BTRC: variants seen among roughly 807,000 people sequenced by gnomAD.
The protein encoded by BTRC is beta-transducin repeat containing E3 ubiquitin protein ligase, also known as F-box/WD repeat-containing protein 1A.
In BTRC, 42 loss-of-function variants were observed where a neutral mutation model predicts 85.5. That is an observed-to-expected ratio of 0.49 (90% CI 0.38 to 0.64). The LOEUF (loss-of-function observed/expected upper bound fraction) is 0.64. BTRC is among the 30% of genes least tolerant of loss of function. The pLI is 0.00. For missense variants in BTRC, 594 were observed against 743.5 expected (o/e 0.80, Z 2.34); for synonymous variants, 255 against 263.3 (o/e 0.97, Z 0.30).
In BTRC at chr10:101,411,178, G is replaced by A. The variant is rs565030369; in HGVS notation, c.49-19167G>A. On this transcript the variant is annotated intron_variant, in intron 1 of 14. Transcript: ENST00000370187. ...GCCTGGCTATTTTGTTTTTTCAGTA[G>A]AGATGGGATTTCACCATGTTGGCCA... Among the ~76,000 whole-genome samples, 7 of 151,958 alleles carry A rather than the reference G, an allele frequency of 4.6e-5. No homozygotes were observed. The South Asian group carries it at 1.5e-3, about 32-fold the overall frequency.
intron 1 of BTRC, among the ~76,000 whole-genome samples, chr10:101,370,342 G>A (rs1942596641): frequency 6.6e-6 from 1 of 151,952 alleles, no homozygotes; most frequent in South Asian, 2.1e-4. Context: ...TCAAACTCCT[G>A]GACTCAAGTG....
At chr10:101,362,000 C>T (rs995522639) in intron 1 of BTRC, among the ~76,000 whole-genome samples, 8 of 152,068 alleles carry the variant, frequency 5.3e-5, no homozygotes, top group East Asian at 1.9e-4. Context: ...CTCACTCTGT[C>T]GCCAGACTGG....
chr10:101,357,013 C>T (rs1461519230), intron 1 of BTRC, among the ~76,000 whole-genome samples: 1 of 151,880 alleles, frequency 6.6e-6, no homozygotes, highest in Non-Finnish European at 1.5e-5. Context: ...CCTGTAGTCC[C>T]AGCTACTCGG....
chr10:101,389,186 A>T (rs1169315999), intron 1 of BTRC, among the ~76,000 whole-genome samples: 2 of 115,206 alleles, frequency 1.7e-5, no homozygotes, highest in African/African-American at 6.9e-5. Context: ...GCCACCATTT[A>T]TCCAGTTACT....
chr10:101,381,505 T>C (rs896228049), intron 1 of BTRC, among the ~76,000 whole-genome samples: 2 of 152,202 alleles, frequency 1.3e-5, no homozygotes, highest in African/African-American at 4.8e-5. Context: ...GACATCACAG[T>C]GTACCATAAA....
intron 8 of BTRC, 113 bp from the exon 9 acceptor site, chr10:101,532,839 C>T: frequency 1.2e-6 from 1 of 848,820 alleles, no homozygotes; most frequent in Admixed American, 2.1e-5. Context: ...AAATGCATTC[C>T]ACACTACTCT....
chr10:101,445,014 A>G (rs150106849), intron 2 of BTRC, among the ~76,000 whole-genome samples: 140 of 152,348 alleles, frequency 9.2e-4, no homozygotes, highest in Non-Finnish European at 1.6e-3. Context: ...CAGGAGGGTA[A>G]CTAAATTGTG....
intron 1 of BTRC, chr10:101,354,585 G>T: frequency 3.2e-6 from 1 of 317,178 alleles, no homozygotes; most frequent in East Asian, 7.5e-5. Context: ...CCGCTGGCGG[G>T]GCCTTCCTGG....
At chr10:101,376,581 A>G (rs1239666459) in intron 1 of BTRC, among the ~76,000 whole-genome samples, 1 of 152,162 alleles carries the variant, frequency 6.6e-6, no homozygotes, top group Non-Finnish European at 1.5e-5. Context: ...TTAAAATCAC[A>G]TCACAATAAA....
intron 11 of BTRC, 75 bp downstream of exon 11, chr10:101,535,547 A>G (rs1384151055): frequency 2.0e-6 from 2 of 1,004,998 alleles, no homozygotes; most frequent in African/African-American, 1.7e-5. Flanking sequence ...AGATCATACA[A>G]GTCTTCAATT....
chr10:101,463,888 ACTT>A (rs1200087731), intron 3 of BTRC, among the ~76,000 whole-genome samples: 2 of 151,780 alleles, frequency 1.3e-5, no homozygotes, highest in Non-Finnish European at 2.9e-5. Context: ...TTGGATGAAC[ACTT>A]CTTTTTTTTA....
At chr10:101,485,184 A>G (rs1945949324) in intron 4 of BTRC, among the ~76,000 whole-genome samples, 1 of 152,204 alleles carries the variant, frequency 6.6e-6, no homozygotes, top group South Asian at 2.1e-4. Flanking sequence ...TTTCAACCAA[A>G]AAGAGACTTA....
intron 2 of BTRC, among the ~76,000 whole-genome samples, chr10:101,460,806 T>C (rs1238131919): frequency 1.3e-5 from 2 of 152,212 alleles, no homozygotes; most frequent in Non-Finnish European, 2.9e-5. Context: ...AGATAAACTC[T>C]CATGTTAAAA....
intron 1 of BTRC, among the ~76,000 whole-genome samples, chr10:101,379,254 T>C (rs1357416987): frequency 6.6e-6 from 1 of 152,224 alleles, no homozygotes; most frequent in African/African-American, 2.4e-5. Context: ...CTTCTGAATA[T>C]GGTCCTCTTA....
At chr10:101,451,377 A>C (rs952559515) in intron 2 of BTRC, among the ~76,000 whole-genome samples, 1 of 152,136 alleles carries the variant, frequency 6.6e-6, no homozygotes, top group African/African-American at 2.4e-5. Flanking sequence ...CAGGCCACCC[A>C]GTTACTTTCT....
At chr10:101,485,986 T>C (rs1945974846) in intron 4 of BTRC, among the ~76,000 whole-genome samples, 1 of 152,212 alleles carries the variant, frequency 6.6e-6, no homozygotes, top group African/African-American at 2.4e-5. Context: ...TCGTTTTGGC[T>C]CTGTACTTAA....
At chr10:101,396,021 G>A (rs1232590820) in intron 1 of BTRC, among the ~76,000 whole-genome samples, 1 of 151,856 alleles carries the variant, frequency 6.6e-6, no homozygotes, top group African/African-American at 2.4e-5. Context: ...CTAGGGAGAG[G>A]TTTTTAATAT....
At chr10:101,355,503 T>C (rs990913914) in intron 1 of BTRC, among the ~76,000 whole-genome samples, 1 of 152,246 alleles carries the variant, frequency 6.6e-6, no homozygotes, top group African/African-American at 2.4e-5. Flanking sequence ...AAACCAGACT[T>C]TGTGGTTACA....
chr10:101,537,014 T>G (rs974353320), intron 12 of BTRC, among the ~76,000 whole-genome samples: 1 of 152,182 alleles, frequency 6.6e-6, no homozygotes, highest in Non-Finnish European at 1.5e-5. Flanking sequence ...AGGGCAGTAT[T>G]TGGGGACTTA....
Sources: gnomAD v4.1 joint callset for allele counts (sites outside exome capture counted in the v4.1 genomes callset) on GRCh38, gnomAD v4.1.1 for gene constraint, MANE v1.5 for transcripts, NCBI Gene and HGNC (gene_info 2026-07-23, HGNC 2026-07-21) for gene names.